The following TANC2 variants were observed in gnomAD, a reference collection of about 807,000 sequenced individuals.
TANC2 encodes tetratricopeptide repeat, ankyrin repeat and coiled-coil containing 2.
Under a neutral mutation model 210.5 loss-of-function variants are expected in TANC2, and 26 were observed. That is an observed-to-expected ratio of 0.12 (90% CI 0.09 to 0.17). The LOEUF is 0.17. TANC2 is among the 10% of genes least tolerant of loss of function. The pLI, the probability that TANC2 is intolerant of heterozygous loss-of-function variation, is 1.00. For synonymous variants in TANC2, 931 were observed against 967.1 expected (o/e 0.96, Z 0.69); for missense variants, 2,129 against 2,608.9 (o/e 0.82, Z 4.01).
At chr17:63,186,249 C>G (rs1317737749) in intron 5 of TANC2, among the ~76,000 whole-genome samples, 1 of 151,862 alleles carries the variant, frequency 6.6e-6, no homozygotes, top group Non-Finnish European at 1.5e-5. Context: ...AAACTCTGTT[C>G]CATTGACCAC....
At chr17:63,180,974 A>G (rs1011303833) in intron 5 of TANC2, among the ~76,000 whole-genome samples, 1 of 144,958 alleles carries the variant, frequency 6.9e-6, no homozygotes, top group Admixed American at 7.0e-5. Context: ...CAGTGAGTCA[A>G]GATTGCACCA....
At chr17:63,225,570 T>C (rs1346375532) in intron 7 of TANC2, among the ~76,000 whole-genome samples, 4 of 152,234 alleles carry the variant, frequency 2.6e-5, no homozygotes, top group Admixed American at 2.6e-4. Flanking sequence ...GCTAAATTTA[T>C]GTTCCTCTTA....
chr17:63,339,967 A>G, intron 11 of TANC2, 134 bp from the exon 12 acceptor site: 1 of 664,758 alleles, frequency 1.5e-6, no homozygotes, highest in Non-Finnish European at 2.6e-6. Flanking sequence ...AAGTTGAGGA[A>G]TGAAGAGACA....
intron 7 of TANC2, among the ~76,000 whole-genome samples, chr17:63,232,935 C>T (rs968036329): frequency 2.0e-5 from 3 of 152,192 alleles, no homozygotes; most frequent in African/African-American, 7.2e-5. Flanking sequence ...GAGTTCTGTT[C>T]GTAAACCTCT....
intron 3 of TANC2, among the ~76,000 whole-genome samples, chr17:63,080,165 T>C (rs150714043): frequency 2.8e-4 from 42 of 152,204 alleles, no homozygotes; most frequent in Admixed American, 7.2e-4. Flanking sequence ...GCCTTGTATT[T>C]AGGTTATCAA....
At chr17:63,359,761 G>T (rs544726410) in intron 14 of TANC2, among the ~76,000 whole-genome samples, 1 of 152,242 alleles carries the variant, frequency 6.6e-6, no homozygotes, top group South Asian at 2.1e-4. Flanking sequence ...GGAGCCTAAG[G>T]TTGTGATGTG....
intron 14 of TANC2, among the ~76,000 whole-genome samples, chr17:63,355,719 A>G (rs1026394038): frequency 6.6e-6 from 1 of 152,198 alleles, no homozygotes; most frequent in African/African-American, 2.4e-5. Flanking sequence ...TTATTCTGAT[A>G]TGAAGAAAGA....
At chr17:63,194,227 G>A in intron 6 of TANC2, 88 bp downstream of exon 6, 1 of 1,305,920 alleles carries the variant, frequency 7.7e-7, no homozygotes, top group South Asian at 1.7e-5. Flanking sequence ...TGCCTTTTGA[G>A]GCCTAGAATA....
intron 5 of TANC2, among the ~76,000 whole-genome samples, chr17:63,181,077 C>T (rs2040768720): frequency 6.7e-6 from 1 of 148,392 alleles, no homozygotes; most frequent in South Asian, 2.2e-4. Context: ...TGTAATTTAG[C>T]TCCGAATTAG....
At chr17:63,353,500 T>A (rs919630259) in intron 13 of TANC2, among the ~76,000 whole-genome samples, 1 of 151,818 alleles carries the variant, frequency 6.6e-6, no homozygotes, top group East Asian at 1.9e-4. Flanking sequence ...AAATGTTGAG[T>A]AGACAGATAT....
intron 9 of TANC2, among the ~76,000 whole-genome samples, chr17:63,311,458 A>T (rs2045122005): frequency 6.6e-6 from 1 of 152,236 alleles, no homozygotes; most frequent in Non-Finnish European, 1.5e-5. Flanking sequence ...ACATGCTAAT[A>T]GCATTTCTCT....
intron 4 of TANC2, among the ~76,000 whole-genome samples, chr17:63,143,098 C>T (rs1444123857): frequency 1.3e-5 from 2 of 152,176 alleles, no homozygotes; most frequent in African/African-American, 4.8e-5. Flanking sequence ...TTGAAGGGAA[C>T]AGCTCATATG....
chr17:63,315,509 T>C (rs909421142), intron 10 of TANC2, among the ~76,000 whole-genome samples: 1 of 152,154 alleles, frequency 6.6e-6, no homozygotes, highest in Admixed American at 6.5e-5. Flanking sequence ...AGAAAATAAA[T>C]AGAAATGTAT....
chr17:63,330,036 C>T (rs754517511), intron 11 of TANC2, among the ~76,000 whole-genome samples: 1 of 152,174 alleles, frequency 6.6e-6, no homozygotes, highest in Non-Finnish European at 1.5e-5. Context: ...CTTTAGTGAA[C>T]ACATGAACAG....
At chr17:63,285,766 C>T (rs746361220) in intron 9 of TANC2, among the ~76,000 whole-genome samples, 3 of 152,118 alleles carry the variant, frequency 2.0e-5, no homozygotes, top group Non-Finnish European at 2.9e-5. Flanking sequence ...GATTCATGAC[C>T]CAAGATTTTT....
chr17:63,067,314 T>G (rs1203282321), intron 2 of TANC2, among the ~76,000 whole-genome samples: 1 of 152,150 alleles, frequency 6.6e-6, no homozygotes, highest in African/African-American at 2.4e-5. Context: ...TGACAAAGAT[T>G]TTAATGCAAC....
chr17:63,320,085 T>C (rs992665605), intron 11 of TANC2, among the ~76,000 whole-genome samples: 4 of 152,216 alleles, frequency 2.6e-5, no homozygotes, highest in Admixed American at 2.6e-4. Context: ...ATCCATATTA[T>C]ATATAGTATT....
chr17:63,017,283 C>T (rs2034150386), intron 2 of TANC2, among the ~76,000 whole-genome samples: 1 of 152,040 alleles, frequency 6.6e-6, no homozygotes, highest in Non-Finnish European at 1.5e-5. Flanking sequence ...GATGACTAAT[C>T]CCTTATCAGT....
At chr17:63,007,131 G>A (rs2033659973) in intron 1 of TANC2, among the ~76,000 whole-genome samples, 1 of 151,886 alleles carries the variant, frequency 6.6e-6, no homozygotes, top group Admixed American at 6.6e-5. Context: ...TGGGTGGCTG[G>A]GGTGGGAGGA....
Sources: allele counts gnomAD v4.1 joint callset (sites outside exome capture counted in the v4.1 genomes callset), GRCh38; gene constraint gnomAD v4.1.1; transcripts MANE v1.5; gene names NCBI Gene and HGNC (gene_info 2026-07-23, HGNC 2026-07-21).